SV2B: variants seen among roughly 807,000 people sequenced by gnomAD.
SV2B encodes synaptic vesicle glycoprotein 2B, also known as solute carrier family 22 member B2.
In SV2B, 41 loss-of-function variants were observed where a neutral mutation model predicts 73.9. The ratio of observed to expected loss-of-function variants is 0.56; its 90% CI spans 0.43 to 0.72. The LOEUF is 0.72. Ranked by LOEUF, SV2B falls within the 30% of genes least tolerant of loss-of-function variation. The pLI, the probability that SV2B is intolerant of heterozygous loss-of-function variation, is 0.00. For missense variants in SV2B, 764 were observed against 857.8 expected, an observed-to-expected ratio of 0.89 and a Z score of 1.37; for synonymous variants, 314 against 314.2, an observed-to-expected ratio of 1.00 and a Z score of 0.01.
chr15:91,217,891 T>C (rs1266523321), intron 1 of SV2B, among the ~76,000 whole-genome samples: 2 of 152,252 alleles, frequency 1.3e-5, no homozygotes, highest in Non-Finnish European at 2.9e-5. Flanking sequence ...ATTCAGGTCC[T>C]GTCTCCAGTA....
In SV2B at chr15:91,124,842, C is replaced by A. The variant is rs1277477241; in HGVS notation, c.-392+24479C>A. ...CTAATGTTTGTATTTTTAGGAGAGA[C>A]GGAATTTCACCATGTTGGCCAGGCT... On this transcript the variant is annotated intron_variant, in intron 1 of 12. Coordinates refer to ENST00000394232, the MANE Select transcript of SV2B (RefSeq NM_001323032.3). This position sits in a 1 kb window ranked among gnomAD's most constrained non-coding sequence, Gnocchi z 4.6. 6.6e-6 allele frequency among the ~76,000 whole-genome samples: 1 copy of A among 152,022 alleles called. No individual in the cohort carries two copies. The highest frequency in any genetic ancestry group is 1.5e-5 in the Non-Finnish European group (1 of 68,014).
At chr15:91,175,075 G>A (rs2141291562) in intron 1 of SV2B, among the ~76,000 whole-genome samples, 1 of 152,266 alleles carries the variant, frequency 6.6e-6, no homozygotes, top group East Asian at 1.9e-4. Context: ...TCCTGTTCTG[G>A]TATAAATGAA....
chr15:91,149,573 A>G (rs566528572), intron 1 of SV2B, among the ~76,000 whole-genome samples: 24 of 152,192 alleles, frequency 1.6e-4, no homozygotes, highest in Non-Finnish European at 3.2e-4. Flanking sequence ...AGACTTTACA[A>G]CCTGAATCAC....
chr15:91,124,551 C>A lies in SV2B; in HGVS notation c.-392+24188C>A, dbSNP rs1402924779. ...TAAAACTTTCCACCATCCCCAAATG[C>A]CAAAAATACTTCTTCTCAAAAGAAG... On this transcript the variant is annotated intron_variant, in intron 1 of 12. Transcript: ENST00000394232. This position sits in a 1 kb window ranked among gnomAD's most constrained non-coding sequence, Gnocchi z 4.6. Among the ~76,000 whole-genome samples the A allele has an allele frequency of 6.6e-6, 1 of 152,080 alleles. No homozygotes were observed. Among genetic ancestry groups the A allele is most frequent in the African/African-American group, 2.4e-5 (1 of 41,408 alleles).
At position 91,299,857 on chromosome 15, in the gene SV2B, C is replaced by T. The variant is rs2049383139; in HGVS notation, c.*7305C>T. 1 of 152,138 alleles carries T rather than the reference C, an allele frequency of 6.6e-6. No homozygotes were observed. Among genetic ancestry groups the T allele is most frequent in the Non-Finnish European group, 1.5e-5 (1 of 68,044 alleles). 9.4% of individuals were successfully genotyped at this position (152,138 alleles called of 1,614,324 possible). A position where few individuals can be genotyped will look rare whatever the true frequency, so the allele number is the denominator to read the frequency against. On this transcript the variant is annotated 3_prime_UTR_variant, in exon 13 of 13. Transcript: ENST00000394232. ...ACGGGGTTTCGCCATGTTGGCCAGG[C>T]TCGTCTCGAACTCCTGGCCTCAAGT...
intron 9 of SV2B, among the ~76,000 whole-genome samples, chr15:91,269,581 T>C (rs531698757): frequency 1.3e-5 from 2 of 152,360 alleles, no homozygotes; most frequent in Non-Finnish European, 2.9e-5. Flanking sequence ...CATATGCGTC[T>C]GGTGTCTCAG....
chr15:91,163,283 G>A (rs1258188601), intron 1 of SV2B, among the ~76,000 whole-genome samples: 1 of 152,178 alleles, frequency 6.6e-6, no homozygotes, highest in Non-Finnish European at 1.5e-5. Flanking sequence ...GTACCCAGTA[G>A]TGGGATGGCT....
At chr15:91,147,912 G>A (rs2043191065) in intron 1 of SV2B, among the ~76,000 whole-genome samples, 2 of 145,594 alleles carry the variant, frequency 1.4e-5, no homozygotes, top group East Asian at 4.2e-4. Flanking sequence ...ACAGGAAAAA[G>A]GATGGAAGAA....
chr15:91,260,526 G>T (rs1445064303), intron 6 of SV2B, 117 bp downstream of exon 6: 27 of 667,986 alleles, frequency 4.0e-5, no homozygotes, highest in Non-Finnish European at 2.4e-6. Context: ...CAAAGACTCT[G>T]ATATTGCTGT....
chr15:91,269,524 G>A lies in SV2B; in HGVS notation c.1373+919G>A, dbSNP rs977338651. On this transcript the variant is annotated intron_variant, in intron 9 of 12. Coordinates refer to ENST00000394232, the MANE Select transcript of SV2B (RefSeq NM_001323032.3). Reference sequence around the variant, plus strand: ...CACTTCAATACAAAATTAACACCACGAATTCTCACCTCTGGTGAATGTTGT... The same window carrying A: ...CACTTCAATACAAAATTAACACCACAAATTCTCACCTCTGGTGAATGTTGT... 1.8e-4 allele frequency among the ~76,000 whole-genome samples: 28 copies of A among 152,116 alleles called. 1 individual carries two copies. Among genetic ancestry groups the A allele is most frequent in the Admixed American group, 1.3e-4 (2 of 15,266 alleles).
At chr15:91,168,324 G>GAGAGAGAC (rs1683853839) in intron 1 of SV2B, among the ~76,000 whole-genome samples, 1 of 151,820 alleles carries the variant, frequency 6.6e-6, no homozygotes, top group African/African-American at 2.4e-5. Flanking sequence ...GAGAGAGAGA[G>GAGAGAGAC]AGAGAGAAAA....
intron 1 of SV2B, among the ~76,000 whole-genome samples, chr15:91,164,663 A>G (rs774800461): frequency 3.0e-4 from 46 of 152,246 alleles, no homozygotes; most frequent in Non-Finnish European, 6.3e-4. Flanking sequence ...TGAAGACTAT[A>G]TAAGAATTCT....
At chr15:91,125,711 G>C (rs1222113434) in intron 1 of SV2B, among the ~76,000 whole-genome samples, 1 of 145,022 alleles carries the variant, frequency 6.9e-6, no homozygotes, top group Non-Finnish European at 1.5e-5. Context: ...GAAGTTTGAG[G>C]CTGCAGTGAG....
chr15:91,128,461 C>T lies in SV2B; in HGVS notation c.-392+28098C>T, dbSNP rs563792625. Reference sequence around the variant, plus strand: ...TATGAGATCCCTACATTGCTATTGGCGCTCAGAAAACAATATCCAAAAATG... The same window carrying T: ...TATGAGATCCCTACATTGCTATTGGTGCTCAGAAAACAATATCCAAAAATG... On this transcript the variant is annotated intron_variant, in intron 1 of 12. Coordinates refer to ENST00000394232, the MANE Select transcript of SV2B (RefSeq NM_001323032.3). The surrounding 1 kb of genome is among the most constrained non-coding windows in gnomAD (Gnocchi z 4.2). 2.0e-5 allele frequency among the ~76,000 whole-genome samples: 3 copies of T among 152,160 alleles called. No individual in the cohort carries two copies. Among genetic ancestry groups the T allele is most frequent in the African/African-American group, 4.8e-5 (2 of 41,412 alleles).
chr15:91,144,259 G>A (rs1246830019), intron 1 of SV2B, among the ~76,000 whole-genome samples: 2 of 152,184 alleles, frequency 1.3e-5, no homozygotes, highest in Non-Finnish European at 2.9e-5. Flanking sequence ...GGACTGGAGT[G>A]GTTTGAGGAA....
intron 1 of SV2B, among the ~76,000 whole-genome samples, chr15:91,127,312 A>G (rs145219842): frequency 8.7e-4 from 133 of 152,244 alleles, no homozygotes; most frequent in African/African-American, 3.1e-3. Flanking sequence ...AGGCACATTT[A>G]AGCATTTTTG....
At chr15:91,166,808 G>T (rs12899732) in intron 1 of SV2B, among the ~76,000 whole-genome samples, 8 of 149,398 alleles carry the variant, frequency 5.4e-5, no homozygotes, top group East Asian at 2.0e-4. Context: ...TTTTTCTTTT[G>T]TTTTCTTTTC....
chr15:91,251,801 T>G lies in SV2B; in HGVS notation c.452-18T>G, dbSNP rs1336252480. 3 of 1,612,850 alleles carry G rather than the reference T, an allele frequency of 1.9e-6. No individual in the cohort carries two copies. The highest frequency in any genetic ancestry group is 2.5e-6 in the Non-Finnish European group (3 of 1,179,216). On this transcript the variant is annotated intron_variant, in intron 2 of 12. Transcript: ENST00000394232. ...TGTCTTTTCTCTCTATTCTCTCCTC[T>G]CCTCCCCCTCATTGCAGGGATGATA...
chr15:91,221,821 C>T (rs1305445623), intron 1 of SV2B, among the ~76,000 whole-genome samples: 1 of 152,140 alleles, frequency 6.6e-6, no homozygotes, highest in Non-Finnish European at 1.5e-5. Flanking sequence ...TTTCCAGAGC[C>T]CTGCCCTGCT....
Sources: gnomAD v4.1 joint callset for allele counts (sites outside exome capture counted in the v4.1 genomes callset) on GRCh38, gnomAD v4.1.1 for gene constraint, Gnocchi (gnomAD v3.1) non-coding constraint, MANE v1.5 for transcripts, NCBI Gene and HGNC (gene_info 2026-07-23, HGNC 2026-07-21) for gene names.